Variants in ZNF385B observed in about 807,000 individuals in gnomAD.
The protein encoded by ZNF385B is zinc finger protein 533.
A neutral mutation model predicts 39.2 loss-of-function variants in ZNF385B; 23 were observed. That is an observed-to-expected ratio of 0.59 (90% CI 0.42 to 0.83). The LOEUF (loss-of-function observed/expected upper bound fraction) is 0.83. ZNF385B is among the 40% of genes least tolerant of loss of function. The pLI is 0.00. For missense variants in ZNF385B, 552 were observed against 598.9 expected (o/e 0.92, Z 0.82); for synonymous variants, 205 against 222.6 (o/e 0.92, Z 0.70).
At chr2:179,785,339 G>A (rs942956716) in intron 1 of ZNF385B, among the ~76,000 whole-genome samples, 1 of 151,982 alleles carries the variant, frequency 6.6e-6, no homozygotes, top group Non-Finnish European at 1.5e-5. Context: ...ATACATTTCT[G>A]GATATAAACT....
At chr2:179,719,444 T>C (rs16866945) in intron 3 of ZNF385B, among the ~76,000 whole-genome samples, 17,601 of 152,188 alleles carry the variant, frequency 0.12, 1,685 homozygotes, top group East Asian at 0.49. Context: ...TAAGCTGACA[T>C]TTTACACTAT....
At chr2:179,578,263 C>A (rs1053908096) in intron 3 of ZNF385B, among the ~76,000 whole-genome samples, 2 of 152,008 alleles carry the variant, frequency 1.3e-5, no homozygotes, top group African/African-American at 4.8e-5. Context: ...AGACAGGGTC[C>A]CTGCTCTTAA....
chr2:179,688,745 T>C (rs1698125099), intron 3 of ZNF385B, among the ~76,000 whole-genome samples: 1 of 152,188 alleles, frequency 6.6e-6, no homozygotes, highest in Non-Finnish European at 1.5e-5. Context: ...AGTTACCATG[T>C]TGTACAATAG....
At chr2:179,814,336 G>A (rs16867017) in intron 1 of ZNF385B, 4 of 279,336 alleles carry the variant, frequency 1.4e-5, no homozygotes, top group East Asian at 1.2e-4. Context: ...GCTGTCATTC[G>A]CTTCGGCCAC....
chr2:179,566,136 G>A lies in ZNF385B; in HGVS notation c.299-21167C>T, dbSNP rs113998217. 9.2e-3 allele frequency among the ~76,000 whole-genome samples: 1,401 copies of A among 152,240 alleles called. 21 individuals carry two copies. Among genetic ancestry groups the A allele is most frequent in the African/African-American group, 0.032 (1,310 of 41,544 alleles). On this transcript the variant is annotated intron_variant, in intron 3 of 9. Transcript: ENST00000410066. ...TGCTGCTGCATACTACCTGATTAAA[G>A]GTTTTATTGCTCATTGATAATTATG...
intron 4 of ZNF385B, among the ~76,000 whole-genome samples, chr2:179,538,520 A>C (rs868279627): frequency 1.3e-5 from 2 of 152,154 alleles, no homozygotes; most frequent in African/African-American, 2.4e-5. Context: ...AAAAATTTTT[A>C]AAAAATATTC....
chr2:179,796,966 C>T (rs1030299867), intron 1 of ZNF385B, among the ~76,000 whole-genome samples: 1 of 152,034 alleles, frequency 6.6e-6, no homozygotes, highest in Non-Finnish European at 1.5e-5. Context: ...CAAGATAATA[C>T]ATGTAAAGTG....
intron 1 of ZNF385B, among the ~76,000 whole-genome samples, chr2:179,860,184 T>G (rs911356649): frequency 6.6e-6 from 1 of 152,136 alleles, no homozygotes; most frequent in East Asian, 1.9e-4. Flanking sequence ...GCAAACCTCA[T>G]CTCTGTATGA....
At chr2:179,641,111 T>G (rs1011308709) in intron 3 of ZNF385B, among the ~76,000 whole-genome samples, 1 of 152,168 alleles carries the variant, frequency 6.6e-6, no homozygotes, top group Non-Finnish European at 1.5e-5. Flanking sequence ...ATTTGTTATA[T>G]TTTATTTTCT....
chr2:179,676,856 A>C (rs1696902195), intron 3 of ZNF385B, among the ~76,000 whole-genome samples: 1 of 152,198 alleles, frequency 6.6e-6, no homozygotes, highest in Non-Finnish European at 1.5e-5. Context: ...ATGCTGCTAA[A>C]CATGCCAAAT....
intron 3 of ZNF385B, among the ~76,000 whole-genome samples, chr2:179,646,369 G>A (rs536151294): frequency 3.3e-5 from 5 of 152,334 alleles, no homozygotes; most frequent in South Asian, 2.1e-4. Flanking sequence ...CCGAGATTGC[G>A]CCACTGCAAT....
intron 3 of ZNF385B, among the ~76,000 whole-genome samples, chr2:179,600,963 T>C (rs935389216): frequency 2.0e-5 from 3 of 152,196 alleles, no homozygotes; most frequent in African/African-American, 4.8e-5. Context: ...GTAGTACAGA[T>C]GAGTTTCTCA....
intron 3 of ZNF385B, among the ~76,000 whole-genome samples, chr2:179,739,884 T>C (rs959863653): frequency 2.0e-5 from 3 of 152,108 alleles, no homozygotes; most frequent in Non-Finnish European, 4.4e-5. Context: ...ATTCATTGCT[T>C]ACCTTACTAA....
intron 3 of ZNF385B, among the ~76,000 whole-genome samples, chr2:179,635,108 C>T (rs1224782066): frequency 6.6e-6 from 1 of 150,930 alleles, no homozygotes; most frequent in African/African-American, 2.4e-5. Context: ...CGCCACTGCA[C>T]TCCAGCCTGG....
intron 4 of ZNF385B, among the ~76,000 whole-genome samples, chr2:179,532,756 T>G (rs1426508301): frequency 6.6e-6 from 1 of 152,140 alleles, no homozygotes; most frequent in Non-Finnish European, 1.5e-5. Flanking sequence ...TTAAAAAGAT[T>G]TTGTATAATT....
At chr2:179,812,168 G>A (rs552161647) in intron 1 of ZNF385B, among the ~76,000 whole-genome samples, 1 of 151,646 alleles carries the variant, frequency 6.6e-6, no homozygotes, top group South Asian at 2.1e-4. Context: ...GCAGAGAAAG[G>A]GGAATGCTTA....
chr2:179,757,945 G>A (rs1016301922), intron 3 of ZNF385B, among the ~76,000 whole-genome samples: 15 of 152,190 alleles, frequency 9.9e-5, no homozygotes, highest in Admixed American at 2.6e-4. Flanking sequence ...TTTGGCTCAC[G>A]CTCGGTGGGC....
chr2:179,628,539 G>A (rs1306786014), intron 3 of ZNF385B, among the ~76,000 whole-genome samples: 2 of 152,176 alleles, frequency 1.3e-5, no homozygotes, highest in Non-Finnish European at 2.9e-5. Flanking sequence ...TATATTTCAT[G>A]AGTGGGGTTG....
chr2:179,753,786 T>C (rs777447614), intron 3 of ZNF385B, among the ~76,000 whole-genome samples: 3 of 152,248 alleles, frequency 2.0e-5, no homozygotes, highest in African/African-American at 7.2e-5. Context: ...TGATTTTATA[T>C]CCTGAGACTT....
Sources: allele counts gnomAD v4.1 joint callset (sites outside exome capture counted in the v4.1 genomes callset), GRCh38; gene constraint gnomAD v4.1.1; transcripts MANE v1.5; gene names NCBI Gene and HGNC (gene_info 2026-07-23, HGNC 2026-07-21).